GABRG3: variants seen among roughly 807,000 people sequenced by gnomAD.
The protein encoded by GABRG3 is gamma-aminobutyric acid type A receptor subunit gamma3.
Under a neutral mutation model 48.8 loss-of-function variants are expected in GABRG3, and 25 were observed. The observed-to-expected ratio is 0.51, with a 90% confidence interval of 0.37 to 0.72. The LOEUF (loss-of-function observed/expected upper bound fraction) is 0.72, where lower values mean the gene tolerates loss of function less well. GABRG3 is among the 30% of genes least tolerant of loss of function. GABRG3 has a pLI of 0.00. For synonymous variants in GABRG3, 227 were observed against 217.6 expected (o/e 1.04, Z -0.38); for missense variants, 394 against 577.9 (o/e 0.68, Z 3.26).
Position 27,541,333 on chromosome 15 carries a change from G to C in GABRG3, c.*8452G>C, listed in dbSNP as rs1891657823. On this transcript the variant is annotated 3_prime_UTR_variant, in exon 10 of 10. Coordinates refer to ENST00000615808, the MANE Select transcript of GABRG3 (RefSeq NM_033223.5). ...TCGTATTCGCAGGTCACAGGAAGGCGTCAGGTCAGGCTTGAAGCAGCCGGG... is the reference window on the plus strand; with the variant it reads ...TCGTATTCGCAGGTCACAGGAAGGCCTCAGGTCAGGCTTGAAGCAGCCGGG... The C allele has an allele frequency of 6.6e-6, 1 of 152,386 alleles. No homozygotes were observed. 9.4% of individuals were successfully genotyped at this position (152,386 alleles called of 1,614,324 possible).
intron 3 of GABRG3, among the ~76,000 whole-genome samples, chr15:27,270,189 T>A (rs1430017470): frequency 6.6e-6 from 1 of 152,198 alleles, no homozygotes; most frequent in Non-Finnish European, 1.5e-5. Flanking sequence ...CAAGTTTTTC[T>A]CCATTAATAT....
In GABRG3 at chr15:27,056,369, A is replaced by G. The variant is rs543573278; in HGVS notation, c.270+29548A>G. The stretch of plus-strand genomic sequence containing the variant: ...CCCTGTCTCCAAAAAAAAAAAAAAA[A>G]AAAAGAAAAGAAAAAAGAAAATAAA... On this transcript the variant is annotated intron_variant, in intron 3 of 9. Transcript: ENST00000615808. Among the ~76,000 whole-genome samples, 89 of 149,952 alleles carry G rather than the reference A, an allele frequency of 5.9e-4. 1 individual carries two copies. Among genetic ancestry groups the G allele is most frequent in the African/African-American group, 1.8e-3 (74 of 40,758 alleles).
chr15:27,226,436 C>T (rs1283286767), intron 3 of GABRG3, among the ~76,000 whole-genome samples: 1 of 152,126 alleles, frequency 6.6e-6, no homozygotes, highest in Non-Finnish European at 1.5e-5. Context: ...ACCGCAGTGT[C>T]CTCACCCAGC....
chr15:27,476,947 T>A (rs1889958490), intron 5 of GABRG3, among the ~76,000 whole-genome samples: 1 of 152,106 alleles, frequency 6.6e-6, no homozygotes, highest in African/African-American at 2.4e-5. Flanking sequence ...TACAGGTGAG[T>A]CACAATATGA....
At chr15:27,016,932 TTTTG>T (rs1328069679) in intron 2 of GABRG3, among the ~76,000 whole-genome samples, 1 of 152,148 alleles carries the variant, frequency 6.6e-6, no homozygotes, top group African/African-American at 2.4e-5. Flanking sequence ...CTCCAAGTAG[TTTTG>T]TTTGTTTCTT....
chr15:27,341,606 C>T (rs558786254), intron 5 of GABRG3, among the ~76,000 whole-genome samples: 16 of 152,212 alleles, frequency 1.1e-4, no homozygotes, highest in South Asian at 4.1e-4. Flanking sequence ...ACATCAAGCA[C>T]GAAGAGATGA....
Position 27,148,145 on chromosome 15 carries a change from G to T in GABRG3, c.270+121324G>T, listed in dbSNP as rs1471328789. Among the ~76,000 whole-genome samples the T allele has an allele frequency of 4.0e-5, 6 of 151,810 alleles. No individual in the cohort carries two copies. The South Asian group carries it at 1.2e-3, about 32-fold the overall frequency. On this transcript the variant is annotated intron_variant, in intron 3 of 9. Coordinates refer to ENST00000615808, the MANE Select transcript of GABRG3 (RefSeq NM_033223.5). The stretch of plus-strand genomic sequence containing the variant: ...GAGGAGACACTACTACTGACTTCAT[G>T]GGGTGGGGGAAGAATTACAAAAGAA...
At chr15:27,530,623 T>C (rs1178253314) in intron 9 of GABRG3, 5 of 471,046 alleles carry the variant, frequency 1.1e-5, no homozygotes, top group Non-Finnish European at 2.2e-5. Context: ...GAAGCCATCC[T>C]GCTGCCCTGC....
chr15:27,539,473 A>C lies in GABRG3; in HGVS notation c.*6592A>C, dbSNP rs542959667. The stretch of plus-strand genomic sequence containing the variant: ...GATAGTGCTTGACTTTCAATTTATA[A>C]AAGATTATTGGAAACACCTTAAGTA... On this transcript the variant is annotated 3_prime_UTR_variant, in exon 10 of 10. Coordinates refer to ENST00000615808, the MANE Select transcript of GABRG3 (RefSeq NM_033223.5). 6.6e-6 allele frequency: 1 copy of C among 152,288 alleles called. No homozygotes were observed. Among genetic ancestry groups the C allele is most frequent in the African/African-American group, 2.4e-5 (1 of 41,560 alleles). The allele number at this position is 152,288 out of a possible 1,614,324, so 9.4% of individuals were successfully genotyped here. A position where few individuals can be genotyped will look rare whatever the true frequency, so the allele number is the denominator to read the frequency against.
rs1445391353 is a variant in GABRG3, at chr15:26,974,314, A to G, written c.54-2688A>G. On this transcript the variant is annotated intron_variant, in intron 1 of 9. Transcript: ENST00000615808. This position sits in a 1 kb window ranked among gnomAD's most constrained non-coding sequence, Gnocchi z 4.3. ...ATTTCAGGAAAACCCTCTCATCACC[A>G]CTAGAGGGAGAATTAGGCTTATTAC... Among the ~76,000 whole-genome samples, 1 of 152,150 alleles carries G rather than the reference A, an allele frequency of 6.6e-6. No individual in the cohort carries two copies. The highest frequency in any genetic ancestry group is 1.5e-5 in the Non-Finnish European group (1 of 68,034).
At chr15:27,006,705 T>C (rs1330601932) in intron 2 of GABRG3, among the ~76,000 whole-genome samples, 1 of 152,206 alleles carries the variant, frequency 6.6e-6, no homozygotes, top group Admixed American at 6.5e-5. Flanking sequence ...TTTCTATTTG[T>C]CTGTGTGTAC....
At chr15:27,125,104 G>C (rs1897796644) in intron 3 of GABRG3, among the ~76,000 whole-genome samples, 1 of 152,142 alleles carries the variant, frequency 6.6e-6, no homozygotes. Flanking sequence ...AAACCAAAGA[G>C]ATGTAGTGTG....
chr15:27,092,338 A>G (rs536631789), intron 3 of GABRG3, among the ~76,000 whole-genome samples: 3 of 152,346 alleles, frequency 2.0e-5, no homozygotes, highest in African/African-American at 7.2e-5. Context: ...ATTTCCAAAT[A>G]AATGCAAATG....
intron 5 of GABRG3, among the ~76,000 whole-genome samples, chr15:27,432,156 G>A (rs1888473811): frequency 6.6e-6 from 1 of 152,076 alleles, no homozygotes; most frequent in Non-Finnish European, 1.5e-5. Flanking sequence ...TGTCTGTTAG[G>A]CTAATTAACA....
At chr15:27,222,704 T>G (rs1414910825) in intron 3 of GABRG3, among the ~76,000 whole-genome samples, 1 of 125,462 alleles carries the variant, frequency 8.0e-6, no homozygotes, top group Non-Finnish European at 1.5e-5. Flanking sequence ...GAGTGGATTC[T>G]TACATTAATT....
chr15:27,049,922 G>A (rs1566920446), intron 3 of GABRG3, among the ~76,000 whole-genome samples: 1 of 152,150 alleles, frequency 6.6e-6, no homozygotes, highest in African/African-American at 2.4e-5. Context: ...TCTTGTGGAC[G>A]GGCTGATTGT....
At chr15:27,462,477 A>C (rs1397525845) in intron 5 of GABRG3, among the ~76,000 whole-genome samples, 1 of 152,192 alleles carries the variant, frequency 6.6e-6, no homozygotes, top group Non-Finnish European at 1.5e-5. Context: ...ATGAAAGAAC[A>C]CAGAAATGAT....
Position 27,534,756 on chromosome 15 carries a change from T to C in GABRG3, c.*1875T>C, listed in dbSNP as rs1891511084. The C allele has an allele frequency of 1.3e-5, 2 of 152,186 alleles. No individual in the cohort carries two copies. Among genetic ancestry groups the C allele is most frequent in the Admixed American group, 1.3e-4 (2 of 15,286 alleles). The allele number at this position is 152,186 out of a possible 1,614,324, so 9.4% of individuals were successfully genotyped here. ...AATTAGATTCATCTGCTTATTCCTA[T>C]TAAGATTGTTGCATATTAAACGGAT... On this transcript the variant is annotated 3_prime_UTR_variant, in exon 10 of 10. Coordinates refer to ENST00000615808, the MANE Select transcript of GABRG3 (RefSeq NM_033223.5).
chr15:27,301,592 A>C (rs1413666461), intron 3 of GABRG3, among the ~76,000 whole-genome samples: 1 of 152,032 alleles, frequency 6.6e-6, no homozygotes, highest in African/African-American at 2.4e-5. Flanking sequence ...ATGCTTTATA[A>C]CTTAATGTTA....
Sources: gnomAD v4.1 joint callset for allele counts (sites outside exome capture counted in the v4.1 genomes callset) on GRCh38, gnomAD v4.1.1 for gene constraint, Gnocchi (gnomAD v3.1) non-coding constraint, MANE v1.5 for transcripts, NCBI Gene and HGNC (gene_info 2026-07-23, HGNC 2026-07-21) for gene names.